PCDHA13: variants seen among roughly 807,000 people sequenced by gnomAD.
PCDHA13 encodes the protein protocadherin alpha 13, also known as protocadherin alpha-13.
A neutral mutation model predicts 64.8 loss-of-function variants in PCDHA13; 54 were observed. The ratio of observed to expected loss-of-function variants is 0.83; its 90% confidence interval spans 0.67 to 1.04. The LOEUF (loss-of-function observed/expected upper bound fraction) is 1.04. Ranked by LOEUF, PCDHA13 falls within the 50% of genes least tolerant of loss-of-function variation. PCDHA13 has a pLI of 0.00. For missense variants in PCDHA13, 1,248 were observed against 1,254.3 expected, an observed-to-expected ratio of 0.99 and a Z score of 0.08; for synonymous variants, 587 against 564.4, an observed-to-expected ratio of 1.04 and a Z score of -0.57.
chr5:140,895,315 A>C (rs541841623), intron 1 of PCDHA13, among the ~76,000 whole-genome samples: 2 of 152,036 alleles, frequency 1.3e-5, no homozygotes, highest in East Asian at 1.9e-4. Flanking sequence ...TCCACCCATG[A>C]CTATTGTTCT....
chr5:140,902,207 T>C (rs949937318), intron 1 of PCDHA13, among the ~76,000 whole-genome samples: 8 of 148,564 alleles, frequency 5.4e-5, no homozygotes, highest in South Asian at 4.3e-4. Flanking sequence ...CTCTTTCTTT[T>C]TTTTTTTTTT....
At chr5:141,000,939 A>G (rs551872377) in intron 3 of PCDHA13, among the ~76,000 whole-genome samples, 2 of 152,294 alleles carry the variant, frequency 1.3e-5, no homozygotes, top group East Asian at 3.9e-4. Context: ...ATTTAGGACA[A>G]ATTATCTTGC....
rs374326542 is a variant in PCDHA13, at chr5:140,927,218, A to G, written c.2394+42556A>G. The G allele has an allele frequency of 2.5e-6, 4 of 1,613,972 alleles. No individual in the cohort carries two copies. The African/African-American group carries it at 5.3e-5, about 22-fold the overall frequency. On this transcript the variant is annotated intron_variant, in intron 1 of 3. Coordinates refer to ENST00000289272, the MANE Select transcript of PCDHA13 (RefSeq NM_018904.3). ...CTCGAGGACCCGCTGGAGCTGCACA[A>G]GATTCGGATTCACGTCCTGGACACC...
intron 1 of PCDHA13, among the ~76,000 whole-genome samples, chr5:140,908,289 G>A (rs1031565997): frequency 2.6e-5 from 4 of 152,184 alleles, no homozygotes; most frequent in Non-Finnish European, 4.4e-5. Flanking sequence ...GTTGCAAGCT[G>A]GGGAAGAGAA....
intron 1 of PCDHA13, among the ~76,000 whole-genome samples, chr5:140,888,038 T>C (rs1195921370): frequency 3.3e-5 from 5 of 152,238 alleles, no homozygotes; most frequent in Non-Finnish European, 7.3e-5. Context: ...TATTAGTACA[T>C]GTATAATAGA....
chr5:140,980,021 A>C (rs1472439975), intron 2 of PCDHA13, among the ~76,000 whole-genome samples: 2 of 152,248 alleles, frequency 1.3e-5, no homozygotes. Context: ...AAATGAGCAG[A>C]AATCATTACA....
At chr5:140,909,624 G>A (rs2074611325) in intron 1 of PCDHA13, among the ~76,000 whole-genome samples, 1 of 152,092 alleles carries the variant, frequency 6.6e-6, no homozygotes, top group African/African-American at 2.4e-5. Context: ...GCTCTAATTG[G>A]TCTTCCTATT....
At chr5:140,932,491 T>C (rs1041440008) in intron 1 of PCDHA13, among the ~76,000 whole-genome samples, 11 of 151,918 alleles carry the variant, frequency 7.2e-5, no homozygotes, top group Non-Finnish European at 1.6e-4. Flanking sequence ...CTCTTTGCAA[T>C]GTCATTTGTT....
intron 1 of PCDHA13, among the ~76,000 whole-genome samples, chr5:140,890,832 T>G (rs1554184561): frequency 6.6e-6 from 1 of 152,220 alleles, no homozygotes; most frequent in African/African-American, 2.4e-5. Context: ...ACTTACATAT[T>G]TACCAGTTTT....
intron 3 of PCDHA13, among the ~76,000 whole-genome samples, chr5:141,009,035 G>A (rs1455230382): frequency 2.6e-5 from 4 of 152,106 alleles, no homozygotes; most frequent in Non-Finnish European, 2.9e-5. Flanking sequence ...TTCCCATCCC[G>A]TTCCCAGTCA....
At chr5:140,955,240 G>A (rs2095156409) in intron 1 of PCDHA13, among the ~76,000 whole-genome samples, 1 of 152,102 alleles carries the variant, frequency 6.6e-6, no homozygotes, top group African/African-American at 2.4e-5. Flanking sequence ...TTTTGCTTAG[G>A]ATCGGCTTGG....
chr5:140,975,861 T>G (rs782026072), intron 1 of PCDHA13, among the ~76,000 whole-genome samples: 8 of 152,192 alleles, frequency 5.3e-5, no homozygotes, highest in Non-Finnish European at 8.8e-5. Flanking sequence ...ATCACCCATA[T>G]GGACTACCTA....
At chr5:140,911,384 C>T (rs2075446155) in intron 1 of PCDHA13, among the ~76,000 whole-genome samples, 1 of 152,134 alleles carries the variant, frequency 6.6e-6, no homozygotes, top group Non-Finnish European at 1.5e-5. Flanking sequence ...TGTGCATGCA[C>T]CTTTCATTGC....
chr5:140,903,279 A>C (rs940299316), intron 1 of PCDHA13, among the ~76,000 whole-genome samples: 1 of 152,170 alleles, frequency 6.6e-6, no homozygotes, highest in East Asian at 1.9e-4. Flanking sequence ...GTAGTGTCTC[A>C]TTGTGCATTA....
At chr5:140,907,746 T>G (rs1240884837) in intron 1 of PCDHA13, among the ~76,000 whole-genome samples, 3 of 152,302 alleles carry the variant, frequency 2.0e-5, no homozygotes, top group African/African-American at 7.2e-5. Context: ...ATGGCCACTT[T>G]GTTCATGGGC....
At position 140,997,506 on chromosome 5, in the gene PCDHA13, T is replaced by A. The variant is rs147089901; in HGVS notation, c.2543-12121T>A. On this transcript the variant is annotated intron_variant, in intron 3 of 3. Coordinates refer to ENST00000289272, the MANE Select transcript of PCDHA13 (RefSeq NM_018904.3). ...AAGTATTTGTGTATCTCAACATACC[T>A]AAACGCAGAAAAAGTACAATAAAAA... Among the ~76,000 whole-genome samples the A allele has an allele frequency of 4.4e-3, 665 of 152,304 alleles. 5 individuals are homozygous for A. Among genetic ancestry groups the A allele is most frequent in the African/African-American group, 0.015 (619 of 41,574 alleles).
chr5:140,928,450 G>C, intron 1 of PCDHA13: 2 of 1,614,146 alleles, frequency 1.2e-6, no homozygotes, highest in Non-Finnish European at 8.5e-7. Flanking sequence ...GCAGCTCAGG[G>C]GGTTTCATTT....
intron 3 of PCDHA13, among the ~76,000 whole-genome samples, chr5:140,998,111 T>A (rs1224150326): frequency 1.3e-5 from 2 of 152,108 alleles, no homozygotes; most frequent in African/African-American, 4.8e-5. Flanking sequence ...GAGGAGAAAA[T>A]TTACTTGTGA....
intron 1 of PCDHA13, among the ~76,000 whole-genome samples, chr5:140,972,660 A>ATT (rs11350929): frequency 4.2e-4 from 49 of 117,232 alleles, no homozygotes; most frequent in Non-Finnish European, 5.7e-4. Context: ...AAGAAACCAA[A>ATT]TTTTTTTTTT....
Sources: allele counts gnomAD v4.1 joint callset (sites outside exome capture counted in the v4.1 genomes callset), GRCh38; gene constraint gnomAD v4.1.1; transcripts MANE v1.5; gene names NCBI Gene and HGNC (gene_info 2026-07-23, HGNC 2026-07-21).